The following C9orf153 variants were observed in gnomAD, a reference collection of about 807,000 sequenced individuals.
C9orf153 encodes uncharacterized protein C9orf153.
C9orf153 carries 10 observed loss-of-function variants against 9.0 expected under a neutral mutation model. The observed-to-expected ratio is 1.11, with a 90% CI of 0.69 to 1.89. The LOEUF (loss-of-function observed/expected upper bound fraction) is 1.89, where lower values mean the gene tolerates loss of function less well. Ranked by LOEUF, C9orf153 falls within the 40% of genes most tolerant of loss-of-function variation. The pLI is 0.00. For synonymous variants in C9orf153, 35 were observed against 37.3 expected (o/e 0.94, Z 0.23); for missense variants, 108 against 111.0 (o/e 0.97, Z 0.12).
At chr9:86,226,757 TTG>T (rs1824345900) in intron 3 of C9orf153, among the ~76,000 whole-genome samples, 5 of 144,668 alleles carry the variant, frequency 3.5e-5, no homozygotes, top group Admixed American at 1.3e-4. Flanking sequence ...GGTTTTTTGT[TTG>T]TTTGTTTGTT....
chr9:86,241,783 G>T (rs891698804), intron 1 of C9orf153, among the ~76,000 whole-genome samples: 1 of 151,990 alleles, frequency 6.6e-6, no homozygotes, highest in Non-Finnish European at 1.5e-5. Context: ...CCACGACCAG[G>T]CCTGGCTAAT....
chr9:86,231,129 C>G (rs1388379925), intron 1 of C9orf153, among the ~76,000 whole-genome samples: 3 of 152,158 alleles, frequency 2.0e-5, no homozygotes, highest in Admixed American at 6.6e-5. Flanking sequence ...TTGGTTCACC[C>G]AGCCCCAGAC....
At chr9:86,227,646 C>T in intron 3 of C9orf153, 1 of 985,334 alleles carries the variant, frequency 1.0e-6, no homozygotes, top group Non-Finnish European at 1.2e-6. Flanking sequence ...GGGCTTGGAA[C>T]CTTCTGTACG....
At chr9:86,238,230 G>A (rs1230336091) in intron 1 of C9orf153, among the ~76,000 whole-genome samples, 2 of 152,168 alleles carry the variant, frequency 1.3e-5, no homozygotes, top group Admixed American at 6.5e-5. Context: ...AGATCCAGCA[G>A]GCAGAATATC....
intron 1 of C9orf153, among the ~76,000 whole-genome samples, chr9:86,233,797 T>C (rs1824520729): frequency 6.6e-6 from 1 of 152,122 alleles, no homozygotes; most frequent in Non-Finnish European, 1.5e-5. Context: ...AAAAATATCA[T>C]ATTTCGGCCG....
intron 1 of C9orf153, among the ~76,000 whole-genome samples, chr9:86,254,514 C>T (rs957004687): frequency 2.0e-5 from 3 of 152,156 alleles, no homozygotes; most frequent in African/African-American, 7.2e-5. Flanking sequence ...GCTTGAACAC[C>T]TGATTTGAAC....
At chr9:86,251,960 G>A (rs1007840047) in intron 1 of C9orf153, among the ~76,000 whole-genome samples, 2 of 103,130 alleles carry the variant, frequency 1.9e-5, no homozygotes, top group Non-Finnish European at 3.8e-5. Flanking sequence ...AGAGAGGAGA[G>A]GGGGAGAAGA....
At chr9:86,232,764 A>G (rs1824500059) in intron 1 of C9orf153, among the ~76,000 whole-genome samples, 1 of 151,500 alleles carries the variant, frequency 6.6e-6, no homozygotes, top group African/African-American at 2.4e-5. Flanking sequence ...ATAGAGTCTC[A>G]CTCTGTCACC....
At chr9:86,236,548 C>CAAAAAAA (rs976982879) in intron 1 of C9orf153, among the ~76,000 whole-genome samples, 5 of 65,314 alleles carry the variant, frequency 7.7e-5, no homozygotes, top group Non-Finnish European at 9.8e-5. Context: ...GACTCCATCT[C>CAAAAAAA]AAAAAAAAAA....
chr9:86,240,813 ATTC>A (rs1824724646), intron 1 of C9orf153, among the ~76,000 whole-genome samples: 1 of 144,112 alleles, frequency 6.9e-6, no homozygotes, highest in South Asian at 2.1e-4. Context: ...GGTTCAAGCG[ATTC>A]TTCTACCTCA....
At chr9:86,254,765 T>C (rs1825075244) in intron 1 of C9orf153, among the ~76,000 whole-genome samples, 1 of 152,164 alleles carries the variant, frequency 6.6e-6, no homozygotes, top group African/African-American at 2.4e-5. Context: ...TTTTCAGAAC[T>C]AAGAGACTTG....
At position 86,246,859 on chromosome 9, in the gene C9orf153, T is replaced by G. The variant is rs150535885; in HGVS notation, c.-27+12691A>C. ...TATTCTCTATAGTTTTGCTATTGATTTACATGTCCCTAACATGACAGTATT... is the reference window on the plus strand; with the variant it reads ...TATTCTCTATAGTTTTGCTATTGATGTACATGTCCCTAACATGACAGTATT... On this transcript the variant is annotated intron_variant, in intron 1 of 3. Coordinates refer to ENST00000339137, the MANE Select transcript of C9orf153 (RefSeq NM_001276366.4). 2.7e-3 allele frequency among the ~76,000 whole-genome samples: 412 copies of G among 152,332 alleles called. 6 individuals are homozygous for G. The highest frequency in any genetic ancestry group is 3.5e-3 in the Admixed American group (54 of 15,302).
rs111663334 is a variant in C9orf153, at chr9:86,245,654, T to G, written c.-27+13896A>C. Among the ~76,000 whole-genome samples the G allele has an allele frequency of 5.4e-3, 816 of 152,310 alleles. 6 individuals carry two copies. Among genetic ancestry groups the G allele is most frequent in the African/African-American group, 0.018 (748 of 41,556 alleles). On this transcript the variant is annotated intron_variant, in intron 1 of 3. Transcript: ENST00000339137. The stretch of plus-strand genomic sequence containing the variant: ...GGCGATTGAGTAGCTTCTACCTCTT[T>G]GCGATTGTGAATAAAGCTGCTCTGA...
intron 1 of C9orf153, among the ~76,000 whole-genome samples, chr9:86,257,357 T>A (rs1247209928): frequency 6.6e-6 from 1 of 152,164 alleles, no homozygotes; most frequent in East Asian, 1.9e-4. Context: ...TGGGAGCCCA[T>A]AGGAACCTGA....
chr9:86,249,625 T>C (rs1824951231), intron 1 of C9orf153, among the ~76,000 whole-genome samples: 1 of 151,868 alleles, frequency 6.6e-6, no homozygotes. Flanking sequence ...TTTGGCTCAC[T>C]GCAACCTCCA....
At chr9:86,227,614 G>A (rs1195594693) in intron 3 of C9orf153, 8 of 985,274 alleles carry the variant, frequency 8.1e-6, no homozygotes, top group Non-Finnish European at 8.4e-6. Flanking sequence ...CACTGGAAAT[G>A]CCTAAGCTGC....
At chr9:86,256,242 C>T (rs1363645854) in intron 1 of C9orf153, among the ~76,000 whole-genome samples, 1 of 152,222 alleles carries the variant, frequency 6.6e-6, no homozygotes, top group Non-Finnish European at 1.5e-5. Flanking sequence ...ATTCTGGAAT[C>T]GTGAGCACTA....
Position 86,256,227 on chromosome 9 carries a change from A to G in C9orf153, c.-27+3323T>C, listed in dbSNP as rs146231287. 6.8e-3 allele frequency among the ~76,000 whole-genome samples: 1,038 copies of G among 152,332 alleles called. 5 individuals are homozygous for G. The highest frequency in any genetic ancestry group is 0.011 in the Non-Finnish European group (744 of 68,034). On this transcript the variant is annotated intron_variant, in intron 1 of 3. Coordinates refer to ENST00000339137, the MANE Select transcript of C9orf153 (RefSeq NM_001276366.4). ...CTCAGTGAGTCCTGGTTGCCATCCTACATCATTCTGGAATCGTGAGCACTA... is the reference window on the plus strand; with the variant it reads ...CTCAGTGAGTCCTGGTTGCCATCCTGCATCATTCTGGAATCGTGAGCACTA...
At chr9:86,257,235 C>G (rs1825138981) in intron 1 of C9orf153, among the ~76,000 whole-genome samples, 1 of 152,190 alleles carries the variant, frequency 6.6e-6, no homozygotes, top group Non-Finnish European at 1.5e-5. Flanking sequence ...TTTAGGCCAA[C>G]AGATTGCCTT....
Sources: gnomAD v4.1 joint callset for allele counts (sites outside exome capture counted in the v4.1 genomes callset) on GRCh38, gnomAD v4.1.1 for gene constraint, MANE v1.5 for transcripts, NCBI Gene and HGNC (gene_info 2026-07-23, HGNC 2026-07-21) for gene names.